The following SEMA3A variants were observed in gnomAD, a reference collection of about 807,000 sequenced individuals.
SEMA3A encodes semaphorin-3A.
Under a neutral mutation model 97.9 loss-of-function variants are expected in SEMA3A, and 29 were observed. The observed-to-expected ratio is 0.30, with a 90% CI of 0.22 to 0.40. The LOEUF (loss-of-function observed/expected upper bound fraction) is 0.40, where lower values mean the gene tolerates loss of function less well. SEMA3A is among the 10% of genes least tolerant of loss of function. The pLI, the probability that SEMA3A is intolerant of heterozygous loss-of-function variation, is 1.00. For missense variants in SEMA3A, 763 were observed against 951.3 expected, an observed-to-expected ratio of 0.80 and a Z score of 2.60; for synonymous variants, 321 against 323.7, an observed-to-expected ratio of 0.99 and a Z score of 0.09.
chr7:84,261,449 G>A (rs908769466), intron 3 of SEMA3A, among the ~76,000 whole-genome samples: 1 of 152,206 alleles, frequency 6.6e-6, no homozygotes, highest in Admixed American at 6.5e-5. Context: ...TCCAGATCTA[G>A]GGGCTCCCTG....
At chr7:84,274,535 C>T (rs1028346106) in intron 3 of SEMA3A, among the ~76,000 whole-genome samples, 5 of 152,012 alleles carry the variant, frequency 3.3e-5, no homozygotes, top group African/African-American at 1.2e-4. Flanking sequence ...GGGAAACATT[C>T]CAGCTTCTCA....
At chr7:84,034,091 C>T (rs1451692714) in intron 6 of SEMA3A, among the ~76,000 whole-genome samples, 1 of 151,726 alleles carries the variant, frequency 6.6e-6, no homozygotes, top group African/African-American at 2.4e-5. Context: ...TCAACTGATT[C>T]TCCTGCCTCA....
chr7:84,283,339 G>T (rs1316289457), intron 3 of SEMA3A, among the ~76,000 whole-genome samples: 1 of 152,042 alleles, frequency 6.6e-6, no homozygotes, highest in African/African-American at 2.4e-5. Flanking sequence ...CTAAAGTAAT[G>T]TATCAAGTCA....
intron 5 of SEMA3A, among the ~76,000 whole-genome samples, chr7:84,052,699 T>G (rs1340299542): frequency 6.6e-6 from 1 of 152,064 alleles, no homozygotes; most frequent in East Asian, 1.9e-4. Flanking sequence ...GGTTTTTTTG[T>G]GTCTCTATTT....
intron 3 of SEMA3A, among the ~76,000 whole-genome samples, chr7:84,211,620 C>A (rs1798630183): frequency 6.9e-6 from 1 of 144,670 alleles, no homozygotes; most frequent in South Asian, 2.1e-4. Context: ...GAAACTCCAT[C>A]TAAAAAAAAA....
At chr7:84,191,467 C>T (rs1370524431) in intron 1 of SEMA3A, among the ~76,000 whole-genome samples, 2 of 151,662 alleles carry the variant, frequency 1.3e-5, no homozygotes, top group African/African-American at 2.4e-5. Context: ...GAATATTTGT[C>T]ATTTGTTTAA....
At chr7:84,117,784 T>C (rs1291367152) in intron 3 of SEMA3A, among the ~76,000 whole-genome samples, 1 of 152,160 alleles carries the variant, frequency 6.6e-6, no homozygotes, top group African/African-American at 2.4e-5. Flanking sequence ...CAGTTAGACA[T>C]GGGTTAAAAT....
chr7:84,243,535 CTCT>C (rs1213856319), intron 3 of SEMA3A, among the ~76,000 whole-genome samples: 1 of 152,058 alleles, frequency 6.6e-6, no homozygotes, highest in Non-Finnish European at 1.5e-5. Flanking sequence ...ATTCTTCTCT[CTCT>C]TCTTCTTTAT....
Position 84,147,487 on chromosome 7 carries a change from A to G in SEMA3A, c.113-12536T>C, listed in dbSNP as rs1156816328. Reference sequence around the variant, plus strand: ...TGGGTGTCCCTTTTTTATGTGAGGCAAGCATATATTTCATTCCCAGAGTGA... The same window carrying G: ...TGGGTGTCCCTTTTTTATGTGAGGCGAGCATATATTTCATTCCCAGAGTGA... On this transcript the variant is annotated intron_variant, in intron 1 of 16. Transcript: ENST00000265362. 2.6e-5 allele frequency among the ~76,000 whole-genome samples: 4 copies of G among 152,150 alleles called. No homozygotes were observed. In the South Asian group the frequency reaches 6.2e-4, roughly 24 times the overall value.
At chr7:84,469,507 T>C (rs762632936) in intron 1 of SEMA3A, among the ~76,000 whole-genome samples, 8 of 152,198 alleles carry the variant, frequency 5.3e-5, no homozygotes, top group Non-Finnish European at 1.0e-4. Context: ...TTGCATCTGA[T>C]ACAAAATAAT....
At chr7:84,142,857 G>A (rs752882837) in intron 1 of SEMA3A, among the ~76,000 whole-genome samples, 26 of 152,036 alleles carry the variant, frequency 1.7e-4, no homozygotes, top group African/African-American at 1.9e-4. Context: ...CTCAGAGTCC[G>A]CATGACTTAA....
At chr7:84,371,839 T>C (rs1448142208) in exon 2 of SEMA3A, 1 of 152,080 alleles carries the variant, frequency 6.6e-6, no homozygotes, top group Non-Finnish European at 1.5e-5. Flanking sequence ...AAAGGGCCTC[T>C]TCTTGATGAA....
chr7:84,429,927 A>C (rs1049414874), intron 1 of SEMA3A, among the ~76,000 whole-genome samples: 1 of 151,860 alleles, frequency 6.6e-6, no homozygotes, highest in Non-Finnish European at 1.5e-5. Flanking sequence ...CATCATAAAA[A>C]TCCCACATAT....
chr7:84,011,774 ATAAG>A (rs1790886999), intron 7 of SEMA3A, among the ~76,000 whole-genome samples: 1 of 152,224 alleles, frequency 6.6e-6, no homozygotes, highest in Admixed American at 6.5e-5. Context: ...ACCACAAAAA[ATAAG>A]TATTTGAGGT....
At chr7:84,431,357 G>A (rs1174176406) in intron 1 of SEMA3A, among the ~76,000 whole-genome samples, 4 of 151,856 alleles carry the variant, frequency 2.6e-5, no homozygotes, top group Admixed American at 1.3e-4. Context: ...ATCAAATAAG[G>A]CTTTATGAGT....
At chr7:84,004,389 A>G (rs1381371375) in intron 11 of SEMA3A, among the ~76,000 whole-genome samples, 1 of 152,172 alleles carries the variant, frequency 6.6e-6, no homozygotes, top group East Asian at 1.9e-4. Context: ...AAATGTATCT[A>G]AGAATTACTT....
At chr7:84,055,313 C>A (rs1792913502) in intron 5 of SEMA3A, among the ~76,000 whole-genome samples, 1 of 152,202 alleles carries the variant, frequency 6.6e-6, no homozygotes, top group Admixed American at 6.5e-5. Flanking sequence ...CTCGCTGCGG[C>A]CTTGCAGTTT....
chr7:83,980,078 A>ATCTT (rs1789329064), intron 14 of SEMA3A, among the ~76,000 whole-genome samples: 2 of 152,244 alleles, frequency 1.3e-5, no homozygotes, highest in African/African-American at 4.8e-5. Flanking sequence ...CATGCTGTTA[A>ATCTT]TCTTTGGGCT....
chr7:84,191,153 C>T (rs985697801), intron 1 of SEMA3A, among the ~76,000 whole-genome samples: 1 of 149,570 alleles, frequency 6.7e-6, no homozygotes, highest in Non-Finnish European at 1.5e-5. Context: ...AAATGATCTT[C>T]TCTTGTCACA....
Sources: allele counts gnomAD v4.1 joint callset (sites outside exome capture counted in the v4.1 genomes callset), GRCh38; gene constraint gnomAD v4.1.1; transcripts MANE v1.5; gene names NCBI Gene and HGNC (gene_info 2026-07-23, HGNC 2026-07-21).